Variants in PPARGC1A observed in about 807,000 individuals in gnomAD.
PPARGC1A encodes peroxisome proliferator-activated receptor gamma coactivator 1-alpha.
Under a neutral mutation model 88.7 loss-of-function variants are expected in PPARGC1A, and 25 were observed. The ratio of observed to expected loss-of-function variants is 0.28; its 90% CI spans 0.21 to 0.39. The LOEUF is 0.39. Among genes scored for constraint, PPARGC1A ranks in the 10% least tolerant of loss-of-function variants. The pLI is 1.00. For missense variants in PPARGC1A, 880 were observed against 968.7 expected, an observed-to-expected ratio of 0.91 and a Z score of 1.22; for synonymous variants, 363 against 355.6, an observed-to-expected ratio of 1.02 and a Z score of -0.24.
chr4:24,039,806 C>T, the PPARGC1A span, among the ~76,000 whole-genome samples: 2 of 152,128 alleles, frequency 1.3e-5, no homozygotes, highest in South Asian at 4.1e-4. Flanking sequence ...GTTAAGCATA[C>T]GTAAGCACTC....
upstream of PPARGC1A, among the ~76,000 whole-genome samples, chr4:23,891,341 C>G (rs541509017): frequency 6.6e-6 from 1 of 152,254 alleles, no homozygotes; most frequent in South Asian, 2.1e-4. Context: ...CAGCTCAATT[C>G]TTTTACTTGA....
At chr4:24,387,926 GAAAGAAAGAGAAAGAA>G in the PPARGC1A span, among the ~76,000 whole-genome samples, 8 of 15,998 alleles carry the variant, frequency 5.0e-4, no homozygotes, top group Non-Finnish European at 1.2e-3. Context: ...AAGAAAGAAA[GAAAGAAAGAGAAAGAA>G]AGAAAGAAAG....
the PPARGC1A span, among the ~76,000 whole-genome samples, chr4:24,206,643 C>A: frequency 6.6e-6 from 1 of 151,788 alleles, no homozygotes; most frequent in Non-Finnish European, 1.5e-5. Flanking sequence ...ACCAGCCTGG[C>A]CAACATGGTG....
chr4:24,433,211 C>T, the PPARGC1A span, among the ~76,000 whole-genome samples: 1 of 152,132 alleles, frequency 6.6e-6, no homozygotes. Context: ...GACTTTTTCT[C>T]AATATTAATT....
At chr4:23,905,651 G>C (rs1719946922), upstream of PPARGC1A, among the ~76,000 whole-genome samples, 1 of 152,202 alleles carries the variant, frequency 6.6e-6, no homozygotes, top group African/African-American at 2.4e-5. Flanking sequence ...GTGCTGAGTA[G>C]TTCTGTAGAT....
chr4:23,987,173 C>T, the PPARGC1A span, among the ~76,000 whole-genome samples: 4 of 151,970 alleles, frequency 2.6e-5, no homozygotes, highest in Admixed American at 6.6e-5. Context: ...ATTGCAAAAT[C>T]GCTTGATGAA....
chr4:23,913,197 T>G, the PPARGC1A span, among the ~76,000 whole-genome samples: 5 of 144,180 alleles, frequency 3.5e-5, no homozygotes, highest in Admixed American at 7.1e-5. Context: ...ATATATGATA[T>G]ATATAGAATC....
the PPARGC1A span, among the ~76,000 whole-genome samples, chr4:24,058,883 T>G: frequency 6.6e-6 from 1 of 152,218 alleles, no homozygotes; most frequent in African/African-American, 2.4e-5. Context: ...AGGCAGAGGT[T>G]GCAGTGAGCC....
At chr4:24,044,225 C>T in the PPARGC1A span, among the ~76,000 whole-genome samples, 1 of 152,202 alleles carries the variant, frequency 6.6e-6, no homozygotes, top group Admixed American at 6.5e-5. Flanking sequence ...GCCTCCTTTT[C>T]AGCTTTCCTG....
chr4:24,072,615 A>C, the PPARGC1A span, among the ~76,000 whole-genome samples: 16 of 152,230 alleles, frequency 1.1e-4, no homozygotes, highest in Middle Eastern at 6.8e-3. Flanking sequence ...ATGATATTAT[A>C]ATAAAAATAT....
chr4:24,184,017 T>C, the PPARGC1A span, among the ~76,000 whole-genome samples: 4 of 152,246 alleles, frequency 2.6e-5, no homozygotes, highest in African/African-American at 9.6e-5. Context: ...ATTTCCTGGA[T>C]ATCTTCTGTC....
chr4:23,908,469 T>G (rs1720328463), upstream of PPARGC1A, among the ~76,000 whole-genome samples: 1 of 151,520 alleles, frequency 6.6e-6, no homozygotes, highest in Non-Finnish European at 1.5e-5. Context: ...ATTATATCTC[T>G]AAATATTATA....
At chr4:24,403,363 A>T in the PPARGC1A span, among the ~76,000 whole-genome samples, 1 of 152,266 alleles carries the variant, frequency 6.6e-6, no homozygotes, top group African/African-American at 2.4e-5. Context: ...CTGAGAAGAA[A>T]TAGGAGTATT....
Position 23,814,132 on chromosome 4 carries a change from T to C in PPARGC1A, c.1351A>G (p.Lys451Glu), listed in dbSNP as rs1721479823. The change falls in exon 8 of 13, where the codon AAA becomes GAA. Residue 451 changes from lysine to glutamate, a missense_variant. Lys to Glu is a moderately conservative substitution (Grantham distance 56). Coordinates refer to ENST00000264867, the MANE Select transcript of PPARGC1A (RefSeq NM_013261.5). ...CGGATTTCCTGGTCTTGGAGCTGTTTTCTTGTGCTGCAAGGAGAGACCTGC... is the reference window on the plus strand; with the variant it reads ...CGGATTTCCTGGTCTTGGAGCTGTTCTCTTGTGCTGCAAGGAGAGACCTGC... ...SKQVSPCSTR[K>E]QLQDQEIRAE... The C allele has an allele frequency of 1.2e-6, 2 of 1,613,966 alleles. No individual in the cohort carries two copies. Among genetic ancestry groups the C allele is most frequent in the Non-Finnish European group, 1.7e-6 (2 of 1,179,998 alleles).
chr4:24,201,649 G>T, the PPARGC1A span, among the ~76,000 whole-genome samples: 1 of 151,984 alleles, frequency 6.6e-6, no homozygotes, highest in Non-Finnish European at 1.5e-5. Flanking sequence ...ATTATATAAG[G>T]AACATATAAA....
At chr4:24,192,036 T>A in the PPARGC1A span, among the ~76,000 whole-genome samples, 2 of 152,214 alleles carry the variant, frequency 1.3e-5, no homozygotes, top group African/African-American at 2.4e-5. Flanking sequence ...TGAACTTGTA[T>A]CCCACCTCTA....
At chr4:23,968,572 C>A in the PPARGC1A span, among the ~76,000 whole-genome samples, 9 of 152,162 alleles carry the variant, frequency 5.9e-5, no homozygotes, top group African/African-American at 1.9e-4. Context: ...TACCTTATTT[C>A]TGCAACTGGA....
At chr4:23,884,639 G>T (rs770841416) in intron 2 of PPARGC1A, 113 bp downstream of exon 2, 1 of 864,686 alleles carries the variant, frequency 1.2e-6, no homozygotes, top group Non-Finnish European at 1.7e-6. Context: ...GTGATGAAAA[G>T]TCTTTTGATG....
chr4:24,049,267 CAT>C, the PPARGC1A span, among the ~76,000 whole-genome samples: 581 of 129,260 alleles, frequency 4.5e-3, 3 homozygotes, highest in African/African-American at 0.016. Flanking sequence ...TATATAAATA[CAT>C]ATATATACAC....
Sources: gnomAD v4.1 joint callset for allele counts (sites outside exome capture counted in the v4.1 genomes callset) on GRCh38, gnomAD v4.1.1 for gene constraint, MANE v1.5 for transcripts, NCBI Gene and HGNC (gene_info 2026-07-23, HGNC 2026-07-21) for gene names.